TMPRSS9: variants seen among roughly 807,000 people sequenced by gnomAD.
TMPRSS9 encodes transmembrane serine protease 9.
Under a neutral mutation model 111.4 loss-of-function variants are expected in TMPRSS9, and 113 were observed. That is an observed-to-expected ratio of 1.01 (90% CI 0.87 to 1.19). The LOEUF is 1.19. Among genes scored for constraint, TMPRSS9 ranks in the 50% most tolerant of loss-of-function variants. The pLI, the probability that TMPRSS9 is intolerant of heterozygous loss-of-function variation, is 0.00. For missense variants in TMPRSS9, 1,803 were observed against 1,513.1 expected (o/e 1.19, Z -3.18); for synonymous variants, 805 against 659.1 (o/e 1.22, Z -3.39).
intron 1 of TMPRSS9, among the ~76,000 whole-genome samples, chr19:2,381,168 C>T (rs1219499239): frequency 6.6e-6 from 1 of 151,908 alleles, no homozygotes; most frequent in Non-Finnish European, 1.5e-5. Flanking sequence ...CCTGGCCCAT[C>T]GTAAAGGTTG....
intron 14 of TMPRSS9, among the ~76,000 whole-genome samples, chr19:2,423,078 T>C (rs76596907): frequency 1.4e-5 from 2 of 146,124 alleles, no homozygotes; most frequent in Non-Finnish European, 3.0e-5. Context: ...AAAAAAAAAA[T>C]GAAAGCAGGG....
chr19:2,408,531 C>T (rs200048842), exon 8 of TMPRSS9: 250 of 1,613,640 alleles, frequency 1.5e-4, no homozygotes, highest in South Asian at 4.4e-5. Context: ...GCCTTTCGGC[C>T]GGCACATCCA....
intron 1 of TMPRSS9, among the ~76,000 whole-genome samples, chr19:2,377,492 A>T (rs1287215042): frequency 4.8e-3 from 23 of 4,818 alleles, no homozygotes; most frequent in African/African-American, 9.4e-3. Context: ...TCTCCCCCCC[A>T]CCCCTCTCCC....
intron 1 of TMPRSS9, among the ~76,000 whole-genome samples, chr19:2,390,736 C>G (rs1311271028): frequency 6.6e-6 from 1 of 151,720 alleles, no homozygotes; most frequent in Admixed American, 6.6e-5. Context: ...ACCTGCAGTC[C>G]CAGCTACTCA....
chr19:2,365,021 C>T (rs1970237974), intron 1 of TMPRSS9, among the ~76,000 whole-genome samples: 1 of 151,806 alleles, frequency 6.6e-6, no homozygotes, highest in Non-Finnish European at 1.5e-5. Flanking sequence ...ACTGTGGGTG[C>T]CACACTCTGT....
intron 1 of TMPRSS9, among the ~76,000 whole-genome samples, chr19:2,366,544 C>T (rs1970248856): frequency 6.6e-6 from 1 of 152,120 alleles, no homozygotes; most frequent in Non-Finnish European, 1.5e-5. Context: ...CCCATGGTCT[C>T]TCATGAGGTT....
chr19:2,416,419 GGTCCTGGGGCCCAGGCA>G, intron 11 of TMPRSS9, 102 bp from the exon 13 acceptor site: 1 of 1,332,972 alleles, frequency 7.5e-7, no homozygotes, highest in Non-Finnish European at 1.0e-6. Flanking sequence ...GTCAGAGGAT[GGTCCTGGGGCCCAGGCA>G]GCCCTGTGTG....
At chr19:2,412,512 A>G (rs960602668) in intron 9 of TMPRSS9, among the ~76,000 whole-genome samples, 1 of 152,152 alleles carries the variant, frequency 6.6e-6, no homozygotes, top group African/African-American at 2.4e-5. Context: ...CTTGGATTCT[A>G]TGTACCCTTT....
intron 1 of TMPRSS9, among the ~76,000 whole-genome samples, chr19:2,377,336 T>A (rs996806792): frequency 1.4e-5 from 2 of 147,654 alleles, no homozygotes; most frequent in African/African-American, 5.1e-5. Context: ...GGTCTCACTG[T>A]GTTGCCCAGG....
At chr19:2,420,009 A>G (rs1294884189) in intron 13 of TMPRSS9, among the ~76,000 whole-genome samples, 1 of 152,164 alleles carries the variant, frequency 6.6e-6, no homozygotes, top group African/African-American at 2.4e-5. Context: ...AATTTAAAAA[A>G]AAAATTTGTC....
chr19:2,416,434 G>A (rs960728975), intron 11 of TMPRSS9, 104 bp from the exon 13 acceptor site: 1 of 1,458,122 alleles, frequency 6.9e-7, no homozygotes, highest in East Asian at 2.3e-5. Context: ...TGGGGCCCAG[G>A]CAGCCCTGTG....
intron 1 of TMPRSS9, among the ~76,000 whole-genome samples, chr19:2,394,323 G>T (rs1970663482): frequency 6.6e-6 from 1 of 152,004 alleles, no homozygotes; most frequent in Admixed American, 6.6e-5. Context: ...TGAGGTCGAG[G>T]CTGCAGTGAG....
intron 14 of TMPRSS9, among the ~76,000 whole-genome samples, chr19:2,423,476 G>A (rs553849966): frequency 2.3e-4 from 30 of 131,000 alleles, no homozygotes; most frequent in African/African-American, 8.3e-4. Flanking sequence ...GTGGGGGGCG[G>A]GGGGGACCCA....
chr19:2,371,840 C>T (rs892638168), intron 1 of TMPRSS9, among the ~76,000 whole-genome samples: 23 of 152,264 alleles, frequency 1.5e-4, no homozygotes, highest in East Asian at 7.7e-4. Flanking sequence ...TGGGATGAGT[C>T]GGACTTCCTG....
Position 2,415,664 on chromosome 19 carries a change from T to A in TMPRSS9, c.1574-6T>A. 2.5e-6 allele frequency: 4 copies of A among 1,582,814 alleles called. No homozygotes were observed. Among genetic ancestry groups the A allele is most frequent in the Non-Finnish European group, 3.4e-6 (4 of 1,160,730 alleles). ...CCCCAGACCTGGTCTTGTGTCCTCC[T>A]TCCAGAATGTGGGGCCAGGCCTGCA... On this transcript the variant is annotated splice_region_variant and splice_polypyrimidine_tract_variant and intron_variant, in intron 10 of 17. Transcript: ENST00000648592.
chr19:2,415,367 C>T (rs921808883), intron 10 of TMPRSS9, among the ~76,000 whole-genome samples: 2 of 152,130 alleles, frequency 1.3e-5, no homozygotes, highest in African/African-American at 4.8e-5. Flanking sequence ...TGCAAGGAGG[C>T]CATAAACCTG....
chr19:2,416,605 G>C (rs779368032), exon 12 of TMPRSS9: 6 of 1,612,584 alleles, frequency 3.7e-6, no homozygotes, highest in Non-Finnish European at 4.2e-6. Flanking sequence ...CGGGAGCCCG[G>C]TGAAGATCGG....
At chr19:2,407,710 C>G (rs1054725163) in intron 7 of TMPRSS9, among the ~76,000 whole-genome samples, 3 of 149,980 alleles carry the variant, frequency 2.0e-5, no homozygotes, top group Non-Finnish European at 3.0e-5. Context: ...CTCAACCTCC[C>G]AGGCTCAGGC....
chr19:2,360,381 G>A (rs1269248867), intron 1 of TMPRSS9, among the ~76,000 whole-genome samples, 21 bp downstream of exon 1: 1 of 151,498 alleles, frequency 6.6e-6, no homozygotes. Flanking sequence ...GTCTCCTGCG[G>A]GCTCAGCCTC....
Sources: allele counts gnomAD v4.1 joint callset (sites outside exome capture counted in the v4.1 genomes callset), GRCh38; gene constraint gnomAD v4.1.1; transcripts MANE v1.5; gene names NCBI Gene and HGNC (gene_info 2026-07-23, HGNC 2026-07-21).